ZNF385D: variants seen among roughly 807,000 people sequenced by gnomAD.
The protein encoded by ZNF385D is zinc finger protein 659.
In ZNF385D, 15 loss-of-function variants were observed where a neutral mutation model predicts 35.8. The observed-to-expected ratio is 0.42, with a 90% CI of 0.28 to 0.64. The LOEUF (loss-of-function observed/expected upper bound fraction) is 0.64, where lower values mean the gene tolerates loss of function less well. ZNF385D is among the 30% of genes least tolerant of loss of function. The pLI is 0.23. For missense variants in ZNF385D, 474 were observed against 494.6 expected (o/e 0.96, Z 0.39); for synonymous variants, 212 against 186.8 (o/e 1.13, Z -1.10).
intron 3 of ZNF385D, among the ~76,000 whole-genome samples, chr3:22,100,836 T>C (rs563583181): frequency 2.6e-5 from 4 of 151,316 alleles, no homozygotes; most frequent in South Asian, 2.1e-4. Context: ...AGTATAATAA[T>C]ATTAAAATAA....
At chr3:21,945,215 G>C (rs530062996) in intron 3 of ZNF385D, among the ~76,000 whole-genome samples, 82 of 150,910 alleles carry the variant, frequency 5.4e-4, no homozygotes, top group Non-Finnish European at 9.9e-4. Flanking sequence ...GAGAATGAAA[G>C]AGAGAAAGAG....
chr3:22,237,746 C>A (rs760165397), intron 2 of ZNF385D, among the ~76,000 whole-genome samples: 12 of 152,052 alleles, frequency 7.9e-5, no homozygotes, highest in Non-Finnish European at 1.6e-4. Flanking sequence ...CAGGTTCAAG[C>A]GATTCTCCTG....
At chr3:21,964,467 C>A (rs1487281678) in intron 3 of ZNF385D, among the ~76,000 whole-genome samples, 1 of 109,974 alleles carries the variant, frequency 9.1e-6, no homozygotes, top group African/African-American at 3.1e-5. Context: ...TCCAATTTCT[C>A]AGATTTTTTT....
chr3:22,110,399 C>A (rs1256575291), intron 3 of ZNF385D, among the ~76,000 whole-genome samples: 1 of 151,944 alleles, frequency 6.6e-6, no homozygotes, highest in Non-Finnish European at 1.5e-5. Flanking sequence ...AAATGTCCAA[C>A]AATGATAGAC....
chr3:22,361,711 G>C (rs1014386187), intron 2 of ZNF385D, among the ~76,000 whole-genome samples: 1 of 151,954 alleles, frequency 6.6e-6, no homozygotes, highest in African/African-American at 2.4e-5. Context: ...AAACTATTCA[G>C]GGCAGCAGAG....
At chr3:21,548,163 G>A (rs2062444362) in intron 3 of ZNF385D, among the ~76,000 whole-genome samples, 1 of 152,034 alleles carries the variant, frequency 6.6e-6, no homozygotes, top group African/African-American at 2.4e-5. Context: ...CACCCTTTAC[G>A]CCATTTGGGA....
intron 3 of ZNF385D, among the ~76,000 whole-genome samples, chr3:22,108,325 T>TTTA (rs1194749431): frequency 1.3e-5 from 2 of 152,142 alleles, no homozygotes; most frequent in African/African-American, 4.8e-5. Context: ...GGAAGATGTG[T>TTTA]TTATTAACAC....
rs575434687 is a variant in ZNF385D at position 22,270,378 on chromosome 3, T to C, written c.107-101343A>G. Among the ~76,000 whole-genome samples the C allele has an allele frequency of 1.2e-4, 18 of 152,120 alleles. No individual in the cohort carries two copies. The South Asian group carries it at 1.7e-3, about 14-fold the overall frequency. On this transcript the variant is annotated intron_variant, in intron 2 of 5. Transcript: ENST00000494108. ...CAGCTTTTGACCCTCATTTTGATAATAGAGAAGCCTGTCTGTTTTACTCCT... is the reference window on the plus strand; with the variant it reads ...CAGCTTTTGACCCTCATTTTGATAACAGAGAAGCCTGTCTGTTTTACTCCT...
At chr3:21,839,696 T>A (rs1042583038) in intron 3 of ZNF385D, among the ~76,000 whole-genome samples, 4 of 152,032 alleles carry the variant, frequency 2.6e-5, no homozygotes, top group Non-Finnish European at 5.9e-5. Flanking sequence ...ACTTTAAGAC[T>A]CAGCTGACAG....
intron 5 of ZNF385D, among the ~76,000 whole-genome samples, chr3:21,426,583 G>A (rs1431455651): frequency 6.6e-6 from 1 of 151,648 alleles, no homozygotes; most frequent in Non-Finnish European, 1.5e-5. Flanking sequence ...TGTTTTTTCT[G>A]TGACATTTTC....
intron 1 of ZNF385D, among the ~76,000 whole-genome samples, chr3:21,739,456 C>T (rs536032322): frequency 1.0e-3 from 159 of 152,108 alleles, no homozygotes; most frequent in African/African-American, 3.4e-3. Context: ...TAGCTGCAGC[C>T]GCCCTCATAA....
chr3:22,368,428 G>A (rs145222450), intron 2 of ZNF385D, among the ~76,000 whole-genome samples: 2 of 152,102 alleles, frequency 1.3e-5, no homozygotes, highest in African/African-American at 4.8e-5. Flanking sequence ...TCCTCTAATT[G>A]CAAATTTTTT....
intron 3 of ZNF385D, among the ~76,000 whole-genome samples, chr3:22,100,657 G>T (rs1701884501): frequency 7.1e-6 from 1 of 141,428 alleles, no homozygotes; most frequent in African/African-American, 2.6e-5. Flanking sequence ...ACACAGGAAG[G>T]GGAACATCAC....
At position 21,878,343 on chromosome 3, in the gene ZNF385D, A is replaced by G. The variant is rs1376899377; in HGVS notation, c.326-213315T>C. Among the ~76,000 whole-genome samples the G allele has an allele frequency of 2.6e-5, 4 of 152,028 alleles. No homozygotes were observed. The East Asian group carries it at 7.8e-4, about 30-fold the overall frequency. On this transcript the variant is annotated intron_variant, in intron 3 of 5. Coordinates refer to the ZNF385D transcript ENST00000494108. Reference sequence around the variant, plus strand: ...TGTCTCATGAACTCATTTAAATACAACTCAAGTGCCATGTGAGCAAGCCTG... The same window carrying G: ...TGTCTCATGAACTCATTTAAATACAGCTCAAGTGCCATGTGAGCAAGCCTG...
At chr3:22,037,627 G>C (rs991422796) in intron 3 of ZNF385D, among the ~76,000 whole-genome samples, 6 of 152,240 alleles carry the variant, frequency 3.9e-5, no homozygotes, top group East Asian at 1.9e-4. Flanking sequence ...CAGATGAGTA[G>C]ATTGCAAAAA....
chr3:22,026,176 A>G (rs547977902), intron 3 of ZNF385D, among the ~76,000 whole-genome samples: 52 of 152,310 alleles, frequency 3.4e-4, no homozygotes, highest in Middle Eastern at 3.4e-3. Flanking sequence ...CAAACAGAAA[A>G]AAATTCTAGG....
intron 3 of ZNF385D, among the ~76,000 whole-genome samples, chr3:21,909,383 T>C (rs1251019490): frequency 6.6e-6 from 1 of 152,026 alleles, no homozygotes; most frequent in Non-Finnish European, 1.5e-5. Flanking sequence ...TTTTCCACCA[T>C]GTCAGGGTGG....
intron 3 of ZNF385D, among the ~76,000 whole-genome samples, chr3:22,162,226 C>T (rs768776861): frequency 4.1e-4 from 63 of 152,028 alleles, no homozygotes; most frequent in Non-Finnish European, 7.9e-4. Flanking sequence ...TTGAAGGAAA[C>T]CAGAATATTT....
At chr3:22,169,132 C>G (rs898970981) in intron 2 of ZNF385D, 16 of 478,450 alleles carry the variant, frequency 3.3e-5, no homozygotes, top group South Asian at 1.8e-4. Context: ...GTTCTACACA[C>G]AAGAATTAAA....
Sources: gnomAD v4.1 joint callset for allele counts (sites outside exome capture counted in the v4.1 genomes callset) on GRCh38, gnomAD v4.1.1 for gene constraint, MANE v1.5 for transcripts, NCBI Gene and HGNC (gene_info 2026-07-23, HGNC 2026-07-21) for gene names.